RPAP3: variants seen among roughly 807,000 people sequenced by gnomAD.
RPAP3 encodes the protein RNA polymerase II associated protein 3.
Under a neutral mutation model 88.8 loss-of-function variants are expected in RPAP3, and 58 were observed. The ratio of observed to expected loss-of-function variants is 0.65; its 90% CI spans 0.53 to 0.81. The LOEUF (loss-of-function observed/expected upper bound fraction) is 0.81. Ranked by LOEUF, RPAP3 falls within the 40% of genes least tolerant of loss-of-function variation. The probability of loss-of-function intolerance (pLI) is 0.00; values close to 1 mark genes in which losing one functional copy is unlikely to be tolerated. For synonymous variants in RPAP3, 255 were observed against 259.9 expected (o/e 0.98, Z 0.18); for missense variants, 751 against 764.3 (o/e 0.98, Z 0.20).
chr12:47,694,586 T>C (rs1190902555), intron 5 of RPAP3, among the ~76,000 whole-genome samples: 1 of 151,690 alleles, frequency 6.6e-6, no homozygotes, highest in Non-Finnish European at 1.5e-5. Context: ...AGAAGATAGT[T>C]ATTATGGAAA....
chr12:47,686,661 T>C, intron 9 of RPAP3, 119 bp downstream of exon 9: 1 of 688,312 alleles, frequency 1.5e-6, no homozygotes, highest in Non-Finnish European at 2.3e-6. Flanking sequence ...TTACCATAAA[T>C]TGGCATGTGA....
intron 2 of RPAP3, 121 bp from the exon 3 acceptor site, chr12:47,701,725 T>C (rs2136645917): frequency 1.4e-6 from 1 of 728,912 alleles, no homozygotes; most frequent in Non-Finnish European, 2.0e-6. Context: ...TTTAAAGTGT[T>C]TAAAAAGACC....
Position 47,690,526 on chromosome 12 carries a change from G to T in RPAP3, c.659C>A (p.Ala220Asp). 1 of 1,592,500 alleles carries T rather than the reference G, an allele frequency of 6.3e-7. No individual in the cohort carries two copies. Among genetic ancestry groups the T allele is most frequent in the Non-Finnish European group, 8.5e-7 (1 of 1,170,196 alleles). ...GAGTGACTAGAAAATACCTTTTTTGGCCTCTTCTAATTTTTGCAAAGCAAA... is the reference window on the plus strand; with the variant it reads ...GAGTGACTAGAAAATACCTTTTTTGTCCTCTTCTAATTTTTGCAAAGCAAA... ...ARFALQKLEE[A>D]KKDYERVLEL... The change falls in exon 6 of 17, where the codon GCC becomes GAC. Residue 220 changes from alanine to aspartate, a missense_variant. Transcript: ENST00000005386.
At chr12:47,704,401 C>T (rs1939728813) in intron 1 of RPAP3, among the ~76,000 whole-genome samples, 1 of 152,080 alleles carries the variant, frequency 6.6e-6, no homozygotes. Context: ...CAGAGTCTTG[C>T]TCTGTCGCCC....
intron 5 of RPAP3, 169 bp downstream of exon 5, chr12:47,696,107 T>C (rs1939520913): frequency 2.0e-6 from 1 of 505,252 alleles, no homozygotes; most frequent in Non-Finnish European, 3.1e-6. Context: ...TAAAATGGCT[T>C]AAACAAAATA....
chr12:47,681,186 C>T (rs145706886), intron 10 of RPAP3, among the ~76,000 whole-genome samples: 5 of 152,252 alleles, frequency 3.3e-5, no homozygotes, highest in Non-Finnish European at 4.4e-5. Context: ...CTGCTAATTC[C>T]AGTATCCACC....
At chr12:47,699,942 T>C (rs1939622837) in intron 3 of RPAP3, 1 of 152,104 alleles carries the variant, frequency 6.6e-6, no homozygotes, top group Non-Finnish European at 1.5e-5. Context: ...GTGGCTACTT[T>C]TCAGAGGTCA....
chr12:47,673,729 T>C (rs955778643), intron 12 of RPAP3, among the ~76,000 whole-genome samples: 19 of 152,182 alleles, frequency 1.2e-4, no homozygotes, highest in Non-Finnish European at 2.5e-4. Flanking sequence ...AGAGGTTTTT[T>C]AGGGGTGATG....
At chr12:47,692,361 C>G (rs779797822) in intron 5 of RPAP3, among the ~76,000 whole-genome samples, 8 of 152,216 alleles carry the variant, frequency 5.3e-5, no homozygotes, top group Non-Finnish European at 8.8e-5. Flanking sequence ...CATCAATTAC[C>G]TTAGCTAGAT....
Position 47,702,717 on chromosome 12 carries a change from G to A in RPAP3, c.124C>T (p.Leu42=). 3 of 1,610,108 alleles carry A rather than the reference G, an allele frequency of 1.9e-6. No individual in the cohort carries two copies. Among genetic ancestry groups the A allele is most frequent in the Non-Finnish European group, 1.7e-6 (2 of 1,177,888 alleles). ...TCAGGAACACCATTCTGTCTTCTTAGTTCCATATCCTTTTGTTTAATGTCT... is the reference window on the plus strand; with the variant it reads ...TCAGGAACACCATTCTGTCTTCTTAATTCCATATCCTTTTGTTTAATGTCT... ...EKDIKQKDME[L]RRQNGVPEEN... is the part of the protein sequence containing the mutation. Residue 42 remains leucine (L), a synonymous_variant, in exon 2 of 17, where the codon CTA becomes TTA. Coordinates refer to ENST00000005386, the MANE Select transcript of RPAP3 (RefSeq NM_024604.3).
In RPAP3 at chr12:47,688,012, T is replaced by G. The variant is rs374642530; in HGVS notation, c.739-11A>C. The G allele has an allele frequency of 6.3e-7, 1 of 1,598,106 alleles. No individual in the cohort carries two copies. Among genetic ancestry groups the G allele is most frequent in the East Asian group, 2.3e-5 (1 of 43,938 alleles). ...TTTGGATGCTAAAGCCTAGGAGACA[T>G]AGCAGTCAGCTAAAATAAAACAAAG... On this transcript the variant is annotated splice_polypyrimidine_tract_variant and intron_variant, in intron 7 of 16. Transcript: ENST00000005386.
chr12:47,700,327 A>C (rs1028416695), intron 3 of RPAP3, among the ~76,000 whole-genome samples: 1 of 152,214 alleles, frequency 6.6e-6, no homozygotes. Context: ...ACATGGGATT[A>C]GAAAGGAGCA....
intron 9 of RPAP3, among the ~76,000 whole-genome samples, chr12:47,684,582 T>G (rs1939286422): frequency 6.6e-6 from 1 of 152,218 alleles, no homozygotes; most frequent in Admixed American, 6.5e-5. Context: ...GTAAGAGTCA[T>G]AAGTTCTTTT....
chr12:47,705,022 A>G (rs1939756533), intron 1 of RPAP3, among the ~76,000 whole-genome samples: 1 of 152,080 alleles, frequency 6.6e-6, no homozygotes, highest in Admixed American at 6.5e-5. Flanking sequence ...GAGTTACGTA[A>G]ATGAGATTAT....
intron 4 of RPAP3, among the ~76,000 whole-genome samples, chr12:47,696,616 C>T (rs958720173): frequency 6.6e-6 from 1 of 151,818 alleles, no homozygotes; most frequent in African/African-American, 2.4e-5. Flanking sequence ...CCTCCCCTTC[C>T]CCCTCCTCAG....
intron 16 of RPAP3, among the ~76,000 whole-genome samples, chr12:47,666,144 T>C (rs552365029): frequency 6.5e-4 from 90 of 138,668 alleles, no homozygotes; most frequent in African/African-American, 2.2e-3. Context: ...GGTATGTGAA[T>C]GACTTTTCTC....
At position 47,663,501 on chromosome 12, in the gene RPAP3, GA is replaced by G. The variant is rs1313186325; in HGVS notation, c.*3del. On this transcript the variant is annotated 3_prime_UTR_variant, in exon 17 of 17. Coordinates refer to ENST00000005386, the MANE Select transcript of RPAP3 (RefSeq NM_024604.3). ...AAAAACAATTATTTCAGCAAAAATG[GA>G]AATCAACCACCGTATCTTTTCTTGA... is the stretch of plus-strand genomic sequence containing the variant. The G allele has an allele frequency of 6.4e-7, 1 of 1,560,324 alleles. No homozygotes were observed. The highest frequency in any genetic ancestry group is 1.4e-5 in the African/African-American group (1 of 72,802).
In RPAP3 at chr12:47,698,043, A is replaced by G. The variant is rs111475797; in HGVS notation, c.295-324T>C. Among the ~76,000 whole-genome samples, 34 of 152,322 alleles carry G rather than the reference A, an allele frequency of 2.2e-4. 1 individual carries two copies. The highest frequency in any genetic ancestry group is 7.9e-4 in the African/African-American group (33 of 41,578). ...AAAGGAAGTTTGCAAATAGCCCTAAACTAATATAATTAGCACCCAGTAGCA... is the reference window on the plus strand; with the variant it reads ...AAAGGAAGTTTGCAAATAGCCCTAAGCTAATATAATTAGCACCCAGTAGCA... On this transcript the variant is annotated intron_variant, in intron 3 of 16. Coordinates refer to ENST00000005386, the MANE Select transcript of RPAP3 (RefSeq NM_024604.3).
At chr12:47,677,271 C>T (rs1939135498) in intron 12 of RPAP3, among the ~76,000 whole-genome samples, 1 of 152,064 alleles carries the variant, frequency 6.6e-6, no homozygotes, top group East Asian at 1.9e-4. Context: ...TTATGACAAA[C>T]CCACAGCCAA....
Sources: gnomAD v4.1 joint callset for allele counts (sites outside exome capture counted in the v4.1 genomes callset) on GRCh38, gnomAD v4.1.1 for gene constraint, MANE v1.5 for transcripts, NCBI Gene and HGNC (gene_info 2026-07-23, HGNC 2026-07-21) for gene names.